RANBP17: variants seen among roughly 807,000 people sequenced by gnomAD.
RANBP17 encodes the protein ran-binding protein 17.
In RANBP17, 158 loss-of-function variants were observed where a neutral mutation model predicts 141.2. That is an observed-to-expected ratio of 1.12 (90% CI 0.98 to 1.28). The LOEUF (loss-of-function observed/expected upper bound fraction) is 1.28. Ranked by LOEUF, RANBP17 falls within the 50% of genes most tolerant of loss-of-function variation. RANBP17 has a pLI of 0.00. For missense variants in RANBP17, 1,438 were observed against 1,290.7 expected (o/e 1.11, Z -1.75); for synonymous variants, 430 against 450.0 (o/e 0.96, Z 0.56).
At chr5:170,963,202 T>C (rs1168109764) in intron 13 of RANBP17, among the ~76,000 whole-genome samples, 1 of 152,174 alleles carries the variant, frequency 6.6e-6, no homozygotes, top group African/African-American at 2.4e-5. Flanking sequence ...GTATATATGA[T>C]AAATACTTCA....
At chr5:171,087,608 T>C (rs1411779878) in intron 14 of RANBP17, among the ~76,000 whole-genome samples, 2 of 151,860 alleles carry the variant, frequency 1.3e-5, no homozygotes, top group African/African-American at 2.4e-5. Flanking sequence ...TAAGTCTCTT[T>C]GTAGGTCACT....
At chr5:170,949,802 A>C (rs1313001907) in intron 12 of RANBP17, among the ~76,000 whole-genome samples, 3 of 152,186 alleles carry the variant, frequency 2.0e-5, no homozygotes, top group Non-Finnish European at 4.4e-5. Context: ...TATAATAGTC[A>C]AAAGATGGAA....
At chr5:171,276,040 G>A (rs1163525413) in intron 25 of RANBP17, among the ~76,000 whole-genome samples, 2 of 152,182 alleles carry the variant, frequency 1.3e-5, no homozygotes, top group African/African-American at 4.8e-5. Flanking sequence ...CAGAAGCAAA[G>A]TAAGAAAAGA....
chr5:170,993,348 C>T (rs1485549444), intron 14 of RANBP17, among the ~76,000 whole-genome samples: 1 of 152,052 alleles, frequency 6.6e-6, no homozygotes, highest in African/African-American at 2.4e-5. Context: ...TAACTATTCC[C>T]TGTTCCTGGC....
chr5:171,241,060 A>C lies in RANBP17; in HGVS notation c.2555A>C (p.Lys852Thr), dbSNP rs144213159. 530 of 1,613,958 alleles carry C rather than the reference A, an allele frequency of 3.3e-4. 3 individuals carry two copies. In the African/African-American group the frequency reaches 6.5e-3, roughly 20 times the overall value. Reference sequence around the variant, plus strand: ...AATTATGTCAGCTTTGGCGTCTTCAAGTTGTATGGGGACAACCATTTTGAC... The same window carrying C: ...AATTATGTCAGCTTTGGCGTCTTCACGTTGTATGGGGACAACCATTTTGAC... ...CGNYVSFGVF[K>T]LYGDNHFDNV... The change falls in exon 23 of 28, where the codon AAG becomes ACG. Residue 852 changes from lysine to threonine, a missense_variant. Coordinates refer to ENST00000523189, the MANE Select transcript of RANBP17 (RefSeq NM_022897.5).
At chr5:171,019,833 T>C (rs936980917) in intron 14 of RANBP17, among the ~76,000 whole-genome samples, 3 of 152,184 alleles carry the variant, frequency 2.0e-5, no homozygotes, top group Non-Finnish European at 2.9e-5. Flanking sequence ...ATTAGTTTGC[T>C]CTTTCCTCTC....
chr5:171,223,655 A>C (rs1010756347), intron 22 of RANBP17, among the ~76,000 whole-genome samples: 1 of 152,152 alleles, frequency 6.6e-6, no homozygotes, highest in Non-Finnish European at 1.5e-5. Context: ...AATAAAAATA[A>C]AATCATATAA....
chr5:171,274,324 T>C (rs1408090651), intron 25 of RANBP17, among the ~76,000 whole-genome samples: 1 of 152,134 alleles, frequency 6.6e-6, no homozygotes, highest in African/African-American at 2.4e-5. Flanking sequence ...TTTAGAAAGT[T>C]AATGCTTATA....
At chr5:170,863,049 A>G (rs1032349085) in intron 1 of RANBP17, among the ~76,000 whole-genome samples, 7 of 152,150 alleles carry the variant, frequency 4.6e-5, no homozygotes, top group African/African-American at 1.4e-4. Flanking sequence ...TTGAGCGCCT[A>G]CTATGCTAGG....
At chr5:171,209,651 T>C (rs1762764564) in intron 20 of RANBP17, among the ~76,000 whole-genome samples, 1 of 152,118 alleles carries the variant, frequency 6.6e-6, no homozygotes, top group African/African-American at 2.4e-5. Context: ...TATATGAGCA[T>C]GTATGGGAAA....
chr5:170,868,971 G>T (rs1767490955), intron 1 of RANBP17, among the ~76,000 whole-genome samples: 1 of 152,000 alleles, frequency 6.6e-6, no homozygotes, highest in South Asian at 2.1e-4. Flanking sequence ...TCTCTAAAAA[G>T]GTTTTTAGTA....
At chr5:171,137,572 ATGTGTGTGTG>A (rs140713117) in intron 14 of RANBP17, among the ~76,000 whole-genome samples, 4 of 141,032 alleles carry the variant, frequency 2.8e-5, no homozygotes, top group Admixed American at 7.1e-5. Flanking sequence ...TTGACTTGAG[ATGTGTGTGTG>A]TGTGTGTGTG....
chr5:171,034,283 C>A (rs555474350), intron 14 of RANBP17, among the ~76,000 whole-genome samples: 7 of 152,226 alleles, frequency 4.6e-5, no homozygotes, highest in African/African-American at 1.7e-4. Context: ...ACAGCTTGGT[C>A]CCAGGTTGTA....
chr5:171,225,246 A>G (rs945533232), intron 22 of RANBP17, among the ~76,000 whole-genome samples: 1 of 152,242 alleles, frequency 6.6e-6, no homozygotes, highest in Non-Finnish European at 1.5e-5. Flanking sequence ...TCTTTAAAGT[A>G]TGGTGATTTC....
At chr5:171,266,075 C>G (rs1766655363) in intron 25 of RANBP17, among the ~76,000 whole-genome samples, 1 of 152,088 alleles carries the variant, frequency 6.6e-6, no homozygotes, top group South Asian at 2.1e-4. Context: ...CTCAGTGGAG[C>G]TAGAATTCAA....
chr5:170,996,428 TG>T (rs1471250133), intron 14 of RANBP17, among the ~76,000 whole-genome samples: 1 of 152,190 alleles, frequency 6.6e-6, no homozygotes, highest in African/African-American at 2.4e-5. Context: ...TTGGTTGTCT[TG>T]ATCATTTGAA....
intron 5 of RANBP17, chr5:170,903,512 C>T (rs745752333): frequency 4.6e-5 from 9 of 193,930 alleles, no homozygotes; most frequent in South Asian, 1.1e-4. Context: ...TGCTGGCTGG[C>T]GTTCCAGGTG....
At chr5:171,186,747 G>A (rs890815695) in intron 18 of RANBP17, among the ~76,000 whole-genome samples, 12 of 149,032 alleles carry the variant, frequency 8.1e-5, no homozygotes, top group East Asian at 2.0e-4. Flanking sequence ...CGTTTTAGCC[G>A]GGATGGTCTC....
intron 14 of RANBP17, among the ~76,000 whole-genome samples, chr5:171,057,412 T>A (rs1783467017): frequency 6.6e-6 from 1 of 152,156 alleles, no homozygotes; most frequent in South Asian, 2.1e-4. Flanking sequence ...ATATATGTGT[T>A]TATTGCATTT....
Sources: allele counts gnomAD v4.1 joint callset (sites outside exome capture counted in the v4.1 genomes callset), GRCh38; gene constraint gnomAD v4.1.1; transcripts MANE v1.5; gene names NCBI Gene and HGNC (gene_info 2026-07-23, HGNC 2026-07-21).